Variants in RNF220 observed in about 807,000 individuals in gnomAD.
The protein encoded by RNF220 is E3 ubiquitin-protein ligase RNF220.
Under a neutral mutation model 67.1 loss-of-function variants are expected in RNF220, and 7 were observed. That is an observed-to-expected ratio of 0.10 (90% CI 0.06 to 0.20). The LOEUF (loss-of-function observed/expected upper bound fraction) is 0.20. Ranked by LOEUF, RNF220 falls within the 10% of genes least tolerant of loss-of-function variation. The pLI is 1.00. For missense variants in RNF220, 565 were observed against 740.3 expected (o/e 0.76, Z 2.75); for synonymous variants, 270 against 283.2 (o/e 0.95, Z 0.47).
At chr1:44,421,720 A>G (rs182658706) in intron 2 of RNF220, among the ~76,000 whole-genome samples, 1 of 152,070 alleles carries the variant, frequency 6.6e-6, no homozygotes, top group African/African-American at 2.4e-5. Context: ...GCACAAATAA[A>G]CTCAGTGTTT....
At chr1:44,407,075 G>A (rs2147788875) in intron 1 of RNF220, among the ~76,000 whole-genome samples, 1 of 152,296 alleles carries the variant, frequency 6.6e-6, no homozygotes, top group East Asian at 1.9e-4. Context: ...GGCGCGCGTC[G>A]CACTGGGTGG....
At chr1:44,447,162 CTTG>C (rs1313452150) in intron 2 of RNF220, among the ~76,000 whole-genome samples, 1 of 152,178 alleles carries the variant, frequency 6.6e-6, no homozygotes, top group East Asian at 1.9e-4. Flanking sequence ...CAATTGACAT[CTTG>C]TTGAGAACGA....
At chr1:44,590,623 C>G (rs554212264) in intron 2 of RNF220, among the ~76,000 whole-genome samples, 63 of 152,354 alleles carry the variant, frequency 4.1e-4, no homozygotes, top group African/African-American at 1.5e-3. Flanking sequence ...TTCTTTCAGT[C>G]CAGCTCCATG....
At position 44,578,437 on chromosome 1, in the gene RNF220, G is replaced by T. The variant is rs192155321; in HGVS notation, c.626-35728G>T. Among the ~76,000 whole-genome samples the T allele has an allele frequency of 7.1e-4, 108 of 152,302 alleles. 1 individual carries two copies. In the East Asian group the frequency reaches 0.012, roughly 17 times the overall value. On this transcript the variant is annotated intron_variant, in intron 2 of 14. Transcript: ENST00000361799. The stretch of plus-strand genomic sequence containing the variant: ...AGGCATGAGCTACCGCGCCTGGCCA[G>T]TGGGATAAGTATTTCAATTTGAGTC...
intron 2 of RNF220, among the ~76,000 whole-genome samples, chr1:44,501,065 T>C (rs1348031820): frequency 3.6e-5 from 2 of 56,232 alleles, no homozygotes; most frequent in South Asian, 1.2e-3. Flanking sequence ...GGGGTGGGGG[T>C]GGGGGTATCG....
Position 44,548,947 on chromosome 1 carries a change from C to A in RNF220, c.626-65218C>A, listed in dbSNP as rs866267553. 5.3e-5 allele frequency among the ~76,000 whole-genome samples: 8 copies of A among 152,300 alleles called. No homozygotes were observed. The Middle Eastern group carries it at 0.01, about 194-fold the overall frequency. On this transcript the variant is annotated intron_variant, in intron 2 of 14. Transcript: ENST00000361799. The stretch of plus-strand genomic sequence containing the variant: ...GGGCGTGGTGGCTTATGCTTGTAAT[C>A]CCAGCACTTTGGGAGGCCAAGGCGG...
At chr1:44,613,134 A>C (rs1245526152) in intron 2 of RNF220, among the ~76,000 whole-genome samples, 1 of 148,028 alleles carries the variant, frequency 6.8e-6, no homozygotes, top group African/African-American at 2.5e-5. Context: ...ATGGATATGC[A>C]GGGATGTTTC....
chr1:44,443,673 T>C (rs529546310), intron 2 of RNF220, among the ~76,000 whole-genome samples: 3 of 152,356 alleles, frequency 2.0e-5, no homozygotes, highest in South Asian at 2.1e-4. Flanking sequence ...TTTTGGTTTT[T>C]TCCCCAAGTA....
intron 5 of RNF220, among the ~76,000 whole-genome samples, chr1:44,631,440 T>G (rs1644117108): frequency 6.6e-6 from 1 of 152,228 alleles, no homozygotes; most frequent in Non-Finnish European, 1.5e-5. Flanking sequence ...CTTCCTCTTA[T>G]GAACAGGGAA....
In RNF220 at chr1:44,463,443, C is replaced by A. The variant is rs141301148; in HGVS notation, c.625+50721C>A. On this transcript the variant is annotated intron_variant, in intron 2 of 14. Coordinates refer to ENST00000361799, the MANE Select transcript of RNF220 (RefSeq NM_018150.4). The stretch of plus-strand genomic sequence containing the variant: ...ATATTTTTATGATGTTTCTCATTTT[C>A]CTCAACCTTTAAAATTTTGTAATTG... 9.8e-4 allele frequency among the ~76,000 whole-genome samples: 148 copies of A among 151,634 alleles called. No homozygotes were observed. In the Middle Eastern group the frequency reaches 0.014, roughly 14 times the overall value.
chr1:44,468,456 T>C (rs1654479075), intron 2 of RNF220, among the ~76,000 whole-genome samples: 1 of 152,188 alleles, frequency 6.6e-6, no homozygotes, highest in Non-Finnish European at 1.5e-5. Context: ...GATAAACAGC[T>C]ATATATATAA....
intron 1 of RNF220, among the ~76,000 whole-genome samples, chr1:44,409,439 T>C (rs1250418273): frequency 6.6e-6 from 1 of 152,246 alleles, no homozygotes; most frequent in Non-Finnish European, 1.5e-5. Flanking sequence ...TGCTTTTCGA[T>C]TTCTGTCTTC....
chr1:44,604,907 C>T (rs1667164729), intron 2 of RNF220, among the ~76,000 whole-genome samples: 1 of 152,230 alleles, frequency 6.6e-6, no homozygotes, highest in Non-Finnish European at 1.5e-5. Context: ...GAATGTTTCA[C>T]ACCTGTGTAT....
intron 8 of RNF220, 106 bp downstream of exon 8, chr1:44,636,268 C>A: frequency 7.0e-7 from 1 of 1,429,160 alleles, no homozygotes; most frequent in East Asian, 2.3e-5. Context: ...GTCATCCATC[C>A]GTTCCACCAC....
intron 3 of RNF220, among the ~76,000 whole-genome samples, chr1:44,619,091 G>A (rs1013904110): frequency 1.3e-5 from 2 of 151,754 alleles, no homozygotes; most frequent in Non-Finnish European, 2.9e-5. Context: ...AAGGGCGGGG[G>A]TGGAGGAAGG....
At chr1:44,423,271 G>A (rs1224851831) in intron 2 of RNF220, among the ~76,000 whole-genome samples, 1 of 152,212 alleles carries the variant, frequency 6.6e-6, no homozygotes, top group Non-Finnish European at 1.5e-5. Context: ...TGGACAAACT[G>A]TAGTATCTGA....
chr1:44,506,902 C>CAGAA (rs1164610455), intron 2 of RNF220, among the ~76,000 whole-genome samples: 5 of 152,162 alleles, frequency 3.3e-5, no homozygotes, highest in Non-Finnish European at 7.3e-5. Context: ...ACTACAGACT[C>CAGAA]CAGAACCAAT....
intron 2 of RNF220, among the ~76,000 whole-genome samples, chr1:44,544,520 C>T (rs552795475): frequency 1.8e-4 from 27 of 152,322 alleles, no homozygotes; most frequent in African/African-American, 6.0e-4. Flanking sequence ...TTTATAAATG[C>T]CACTCAGCAT....
At chr1:44,569,786 A>T (rs1382255772) in intron 2 of RNF220, among the ~76,000 whole-genome samples, 1 of 152,218 alleles carries the variant, frequency 6.6e-6, no homozygotes, top group Non-Finnish European at 1.5e-5. Flanking sequence ...GGGAGCTGAG[A>T]AAAGGAGACA....
Sources: gnomAD v4.1 joint callset for allele counts (sites outside exome capture counted in the v4.1 genomes callset) on GRCh38, gnomAD v4.1.1 for gene constraint, MANE v1.5 for transcripts, NCBI Gene and HGNC (gene_info 2026-07-23, HGNC 2026-07-21) for gene names.